INSR: variants seen among roughly 807,000 people sequenced by gnomAD.
INSR encodes IR.
A neutral mutation model predicts 142.6 loss-of-function variants in INSR; 67 were observed. The observed-to-expected ratio is 0.47, with a 90% CI of 0.39 to 0.58. The LOEUF is 0.58. INSR is among the 20% of genes least tolerant of loss of function. The pLI is 0.00. For missense variants in INSR, 1,248 were observed against 1,833.2 expected, an observed-to-expected ratio of 0.68 and a Z score of 5.83; for synonymous variants, 756 against 743.1, an observed-to-expected ratio of 1.02 and a Z score of -0.28.
intron 1 of INSR, among the ~76,000 whole-genome samples, chr19:7,287,159 CTTTT>C (rs34457204): frequency 6.3e-4 from 81 of 129,144 alleles, no homozygotes; most frequent in South Asian, 1.2e-3. Context: ...CAAAAATATT[CTTTT>C]TTTTTTTTTT....
rs1973881121 is a variant in INSR at position 7,166,044 on chromosome 19, A to AT, written c.1861+109_1861+110insA. 3 of 1,286,192 alleles carry AT rather than the reference A, an allele frequency of 2.3e-6. No individual in the cohort carries two copies. The highest frequency in any genetic ancestry group is 4.7e-5 in the East Asian group (2 of 42,354). 79.7% of individuals were successfully genotyped at this position (1,286,192 alleles called of 1,614,324 possible). A position where few individuals can be genotyped will look rare whatever the true frequency, so the allele number is the denominator to read the frequency against. The stretch of plus-strand genomic sequence containing the variant: ...GTAAGACCCTGTCTAAAAAAAAAAA[A>AT]AAAGCCAATAACCATATCAAGGAGC... On this transcript the variant is annotated intron_variant, in intron 8 of 21. Coordinates refer to ENST00000302850, the MANE Select transcript of INSR (RefSeq NM_000208.4). The surrounding 1 kb of genome is among the most constrained non-coding windows in gnomAD (Gnocchi z 4.1).
At chr19:7,124,626 T>A (rs1972596690) in intron 17 of INSR, among the ~76,000 whole-genome samples, 1 of 64,910 alleles carries the variant, frequency 1.5e-5, no homozygotes, top group African/African-American at 7.1e-5. Flanking sequence ...TATATATATA[T>A]ATATATATAT....
intron 2 of INSR, among the ~76,000 whole-genome samples, chr19:7,217,179 A>G (rs527502428): frequency 6.6e-6 from 1 of 152,192 alleles, no homozygotes; most frequent in South Asian, 2.1e-4. Flanking sequence ...TGAGTCTTAC[A>G]GGGCTAAAAT....
In INSR at chr19:7,159,532, A is replaced by G. The variant is rs1416736861; in HGVS notation, c.2029+3500T>C. 6.7e-6 allele frequency: 1 copy of G among 149,862 alleles called. No homozygotes were observed. Among genetic ancestry groups the G allele is most frequent in the Non-Finnish European group, 1.5e-5 (1 of 66,884 alleles). 9.3% of individuals were successfully genotyped at this position (149,862 alleles called of 1,614,324 possible). ...TACAGATTTAGACTTTCGGAATTAA[A>G]AAAAAAAAAAAGGAAGCTTCGAGTG... On this transcript the variant is annotated intron_variant, in intron 9 of 21. Coordinates refer to ENST00000302850, the MANE Select transcript of INSR (RefSeq NM_000208.4). The surrounding 1 kb of genome is among the most constrained non-coding windows in gnomAD (Gnocchi z 4.3).
intron 11 of INSR, among the ~76,000 whole-genome samples, chr19:7,147,839 C>T (rs1368848100): frequency 6.6e-6 from 1 of 152,080 alleles, no homozygotes; most frequent in Non-Finnish European, 1.5e-5. Flanking sequence ...ATGGGCTCAT[C>T]AAACAGGCCA....
chr19:7,179,164 G>A (rs1342888471), intron 3 of INSR, among the ~76,000 whole-genome samples: 1 of 152,150 alleles, frequency 6.6e-6, no homozygotes, highest in African/African-American at 2.4e-5. Flanking sequence ...CTCCCACCAT[G>A]GCCTCCCAAA....
chr19:7,115,597 TTGTG>T lies in INSR; in HGVS notation c.*1455_*1458del, dbSNP rs1972304306. ...ATGTTCCCAAAGTCCATCCAGGTTG[TTGTG>T]CTTTGGGATCTGACGTTCTTGGGTT... On this transcript the variant is annotated 3_prime_UTR_variant, in exon 22 of 22. Transcript: ENST00000302850. 1 of 152,028 alleles carries T rather than the reference TTGTG, an allele frequency of 6.6e-6. No individual in the cohort carries two copies. The highest frequency in any genetic ancestry group is 1.5e-5 in the Non-Finnish European group (1 of 68,056). The allele number at this position is 152,028 out of a possible 1,614,324, so 9.4% of individuals were successfully genotyped here.
chr19:7,245,079 G>T (rs10406487), intron 2 of INSR, among the ~76,000 whole-genome samples: 8,000 of 151,600 alleles, frequency 0.053, 528 homozygotes, highest in African/African-American at 0.15. Context: ...GGGACTACAG[G>T]TGCCCACCAC....
chr19:7,284,195 G>T (rs1968284270), intron 1 of INSR, among the ~76,000 whole-genome samples: 1 of 151,956 alleles, frequency 6.6e-6, no homozygotes, highest in Non-Finnish European at 1.5e-5. Context: ...CTCCCAGGTA[G>T]CTGAGATTAC....
Position 7,157,605 on chromosome 19 carries a change from A to C in INSR, c.2030-4678T>G, listed in dbSNP as rs1973630376. On this transcript the variant is annotated intron_variant, in intron 9 of 21. Coordinates refer to ENST00000302850, the MANE Select transcript of INSR (RefSeq NM_000208.4). Reference sequence around the variant, plus strand: ...GCAGCTGGTCATGTCTTAAGCCCCGAAGTCAAATCCCAGGGTTCTTGTGAC... The same window carrying C: ...GCAGCTGGTCATGTCTTAAGCCCCGCAGTCAAATCCCAGGGTTCTTGTGAC... 3.3e-5 allele frequency among the ~76,000 whole-genome samples: 5 copies of C among 152,070 alleles called. No individual in the cohort carries two copies. The South Asian group carries it at 1.0e-3, about 32-fold the overall frequency.
intron 2 of INSR, among the ~76,000 whole-genome samples, chr19:7,203,890 T>G (rs1975033326): frequency 6.6e-6 from 1 of 152,242 alleles, no homozygotes; most frequent in African/African-American, 2.4e-5. Context: ...TTTTATATTT[T>G]ATTTTATTTC....
At chr19:7,203,721 AT>A (rs1462566888) in intron 2 of INSR, among the ~76,000 whole-genome samples, 1 of 152,046 alleles carries the variant, frequency 6.6e-6, no homozygotes, top group Non-Finnish European at 1.5e-5. Flanking sequence ...ACAGGTGCCC[AT>A]GGGGACGTAC....
chr19:7,172,207 T>A (rs1477991914), intron 5 of INSR, 83 bp downstream of exon 5: 1 of 1,529,208 alleles, frequency 6.5e-7, no homozygotes, highest in Admixed American at 1.7e-5. Context: ...CCACCACACC[T>A]GGCCAAAAAA....
intron 2 of INSR, among the ~76,000 whole-genome samples, chr19:7,260,225 G>A (rs1363636032): frequency 6.6e-6 from 1 of 152,130 alleles, no homozygotes; most frequent in African/African-American, 2.4e-5. Context: ...CAGGGAGGAG[G>A]GATTTGCTGC....
intron 11 of INSR, among the ~76,000 whole-genome samples, chr19:7,149,864 G>C (rs1973282469): frequency 6.7e-6 from 1 of 150,306 alleles, no homozygotes; most frequent in African/African-American, 2.4e-5. Context: ...GGGAGGGACG[G>C]ACGGAGGGAG....
chr19:7,144,112 T>C (rs1346270092), intron 11 of INSR, among the ~76,000 whole-genome samples: 1 of 151,990 alleles, frequency 6.6e-6, no homozygotes, highest in African/African-American at 2.4e-5. Context: ...GCCCACTGCT[T>C]CCTTTGGACA....
chr19:7,221,286 A>G (rs1222407161), intron 2 of INSR, among the ~76,000 whole-genome samples: 1 of 152,032 alleles, frequency 6.6e-6, no homozygotes, highest in East Asian at 1.9e-4. Context: ...AAGTGGGAGA[A>G]TCTCTTGAAC....
intron 13 of INSR, among the ~76,000 whole-genome samples, chr19:7,134,164 G>C (rs1464018609): frequency 1.3e-5 from 2 of 152,026 alleles, no homozygotes; most frequent in Non-Finnish European, 2.9e-5. Context: ...GGGTGACAGA[G>C]CAAGACTCCA....
intron 2 of INSR, among the ~76,000 whole-genome samples, chr19:7,193,789 A>G (rs1974663547): frequency 6.6e-6 from 1 of 152,038 alleles, no homozygotes; most frequent in African/African-American, 2.4e-5. Context: ...TCCCAGGTTC[A>G]AGTGCTCCTC....
Sources: allele counts gnomAD v4.1 joint callset (sites outside exome capture counted in the v4.1 genomes callset), GRCh38; gene constraint gnomAD v4.1.1; non-coding constraint Gnocchi (gnomAD v3.1); transcripts MANE v1.5; gene names NCBI Gene and HGNC (gene_info 2026-07-23, HGNC 2026-07-21).